Variants in SLC9C1 observed in about 807,000 individuals in gnomAD.
The protein encoded by SLC9C1 is sodium/hydrogen exchanger 10.
A neutral mutation model predicts 140.9 loss-of-function variants in SLC9C1; 97 were observed. That is an observed-to-expected ratio of 0.69 (90% confidence interval 0.58 to 0.82). The LOEUF (loss-of-function observed/expected upper bound fraction) is 0.82. SLC9C1 is among the 40% of genes least tolerant of loss of function. The pLI, the probability that SLC9C1 is intolerant of heterozygous loss-of-function variation, is 0.00. For missense variants in SLC9C1, 1,340 were observed against 1,389.3 expected (o/e 0.96, Z 0.56); for synonymous variants, 440 against 442.6 (o/e 0.99, Z 0.07).
intron 10 of SLC9C1, among the ~76,000 whole-genome samples, chr3:112,254,318 A>T (rs1407453571): frequency 6.6e-6 from 1 of 152,144 alleles, no homozygotes; most frequent in African/African-American, 2.4e-5. Context: ...TGAAGAAAAG[A>T]AAATTAAAGG....
chr3:112,250,754 C>T (rs2083119155), intron 10 of SLC9C1, among the ~76,000 whole-genome samples: 2 of 152,062 alleles, frequency 1.3e-5, no homozygotes, highest in African/African-American at 4.8e-5. Context: ...CCGGTGCTGG[C>T]AAGTTTGCAG....
chr3:112,141,389 A>C, intron 28 of SLC9C1, 108 bp from the exon 29 acceptor site: 1 of 1,113,828 alleles, frequency 9.0e-7, no homozygotes, highest in Non-Finnish European at 1.2e-6. Context: ...TGACTCCCAT[A>C]AGACACACTT....
chr3:112,263,115 T>G lies in SLC9C1; in HGVS notation c.1023-17A>C. On this transcript the variant is annotated splice_polypyrimidine_tract_variant and intron_variant, in intron 9 of 28. Transcript: ENST00000305815. ...GTCAGAAATCTAAAAGACAAAACAA[T>G]TTTTACAAAGTTATTCTTTCATATG... 14 of 1,549,820 alleles carry G rather than the reference T, an allele frequency of 9.0e-6. No homozygotes were observed. The highest frequency in any genetic ancestry group is 1.1e-5 in the Non-Finnish European group (13 of 1,154,094).
intron 13 of SLC9C1, among the ~76,000 whole-genome samples, chr3:112,228,091 A>T (rs1051375453): frequency 6.6e-6 from 1 of 152,172 alleles, no homozygotes; most frequent in Non-Finnish European, 1.5e-5. Context: ...AGCCAAAGCA[A>T]TTTTGAGCAC....
chr3:112,162,532 G>T (rs1311181611), intron 26 of SLC9C1, among the ~76,000 whole-genome samples: 1 of 152,210 alleles, frequency 6.6e-6, no homozygotes, highest in Non-Finnish European at 1.5e-5. Flanking sequence ...AGATAATCAT[G>T]TGGTTTTTGT....
intron 12 of SLC9C1, among the ~76,000 whole-genome samples, chr3:112,238,900 G>C (rs916577067): frequency 9.9e-5 from 15 of 152,200 alleles, no homozygotes; most frequent in African/African-American, 3.4e-4. Flanking sequence ...GCTATTCAGG[G>C]GTCAGGGACC....
chr3:112,275,573 A>G, intron 5 of SLC9C1, among the ~76,000 whole-genome samples: 1 of 134,246 alleles, frequency 7.4e-6, no homozygotes, highest in African/African-American at 2.8e-5. Flanking sequence ...CTAAGTTTAA[A>G]TGTCTGTTGT....
chr3:112,290,915 T>C (rs2080663433), intron 1 of SLC9C1, among the ~76,000 whole-genome samples: 1 of 152,206 alleles, frequency 6.6e-6, no homozygotes, highest in Non-Finnish European at 1.5e-5. Flanking sequence ...TTGGTAGTTT[T>C]TCTCCATCCA....
Position 112,199,482 on chromosome 3 carries a change from A to C in SLC9C1, c.2375-13T>G. 1 of 1,542,684 alleles carries C rather than the reference A, an allele frequency of 6.5e-7. No homozygotes were observed. The highest frequency in any genetic ancestry group is 2.3e-5 in the East Asian group (1 of 43,428). On this transcript the variant is annotated splice_polypyrimidine_tract_variant and intron_variant, in intron 19 of 28. Transcript: ENST00000305815. Reference sequence around the variant, plus strand: ...TACTCTAAGTAGCCTAAAAAATAACAAAATATTTTTAGATTAAATAAGAAC... The same window carrying C: ...TACTCTAAGTAGCCTAAAAAATAACCAAATATTTTTAGATTAAATAAGAAC...
chr3:112,235,441 C>G (rs1340464352), intron 12 of SLC9C1, among the ~76,000 whole-genome samples: 1 of 151,272 alleles, frequency 6.6e-6, no homozygotes, highest in African/African-American at 2.4e-5. Context: ...TTGACTTCCT[C>G]TTTTCCTAAT....
chr3:112,265,501 T>C (rs934997624), intron 8 of SLC9C1, among the ~76,000 whole-genome samples: 1 of 152,152 alleles, frequency 6.6e-6, no homozygotes, highest in East Asian at 1.9e-4. Context: ...TCAGAATTAA[T>C]TCTATCTTCT....
intron 1 of SLC9C1, among the ~76,000 whole-genome samples, chr3:112,291,816 G>A (rs894748508): frequency 6.6e-6 from 1 of 152,158 alleles, no homozygotes; most frequent in African/African-American, 2.4e-5. Context: ...ACATATGCAT[G>A]CGTACATTCA....
At chr3:112,150,840 ATTTT>A (rs1180027200) in intron 28 of SLC9C1, among the ~76,000 whole-genome samples, 24 of 57,318 alleles carry the variant, frequency 4.2e-4, no homozygotes, top group Admixed American at 2.1e-3. Context: ...ATATATATAT[ATTTT>A]TTTTTTTTTT....
At chr3:112,236,641 T>G (rs1329768265) in intron 12 of SLC9C1, among the ~76,000 whole-genome samples, 1 of 152,234 alleles carries the variant, frequency 6.6e-6, no homozygotes, top group Non-Finnish European at 1.5e-5. Flanking sequence ...CTGCTTTGAA[T>G]GTGTCCCAGA....
At chr3:112,214,209 G>T (rs1440924437) in intron 15 of SLC9C1, among the ~76,000 whole-genome samples, 2 of 152,200 alleles carry the variant, frequency 1.3e-5, no homozygotes, top group Non-Finnish European at 2.9e-5. Flanking sequence ...ATTTAAAGCA[G>T]TGTGTAGAGG....
At chr3:112,144,061 T>C (rs925704426) in intron 28 of SLC9C1, among the ~76,000 whole-genome samples, 1 of 152,092 alleles carries the variant, frequency 6.6e-6, no homozygotes, top group Non-Finnish European at 1.5e-5. Context: ...TGGTTGTAAG[T>C]GTGGGGCTTT....
intron 26 of SLC9C1, among the ~76,000 whole-genome samples, chr3:112,159,791 G>A (rs114490963): frequency 0.022 from 3,313 of 151,066 alleles, 118 homozygotes; most frequent in African/African-American, 0.076. Flanking sequence ...TTGTTTAATT[G>A]ACCCTTTTTT....
chr3:112,277,983 C>A, intron 4 of SLC9C1, 123 bp from the exon 5 acceptor site: 1 of 741,208 alleles, frequency 1.3e-6, no homozygotes, highest in Non-Finnish European at 2.1e-6. Context: ...CCAGCAGACA[C>A]AGGAGTGGGG....
chr3:112,253,386 G>A (rs2079518095), intron 10 of SLC9C1, among the ~76,000 whole-genome samples: 1 of 152,168 alleles, frequency 6.6e-6, no homozygotes, highest in Non-Finnish European at 1.5e-5. Flanking sequence ...GGCATTGACA[G>A]AGAGCATGGC....
Sources: gnomAD v4.1 joint callset for allele counts (sites outside exome capture counted in the v4.1 genomes callset) on GRCh38, gnomAD v4.1.1 for gene constraint, MANE v1.5 for transcripts, NCBI Gene and HGNC (gene_info 2026-07-23, HGNC 2026-07-21) for gene names.